The following MECOM variants were observed in gnomAD, a reference collection of about 807,000 sequenced individuals.
MECOM encodes MDS1 and EVI1 complex locus.
A neutral mutation model predicts 116.3 loss-of-function variants in MECOM; 13 were observed. The ratio of observed to expected loss-of-function variants is 0.11; its 90% CI spans 0.07 to 0.18. The LOEUF is 0.18. Among genes scored for constraint, MECOM ranks in the 10% least tolerant of loss-of-function variants. The pLI is 1.00. For synonymous variants in MECOM, 528 were observed against 535.2 expected, an observed-to-expected ratio of 0.99 and a Z score of 0.19; for missense variants, 1,299 against 1,509.0, an observed-to-expected ratio of 0.86 and a Z score of 2.31.
chr3:169,635,916 A>G (rs1185296965), intron 1 of MECOM, among the ~76,000 whole-genome samples: 1 of 152,196 alleles, frequency 6.6e-6, no homozygotes, highest in Non-Finnish European at 1.5e-5. Context: ...ATAATTATGC[A>G]ATTAATTTTT....
chr3:169,429,506 T>G (rs1178514013), intron 1 of MECOM, among the ~76,000 whole-genome samples: 1 of 152,192 alleles, frequency 6.6e-6, no homozygotes, highest in Non-Finnish European at 1.5e-5. Flanking sequence ...CCATAGCACA[T>G]GTTCAACAAA....
rs75014320 is a variant in MECOM, at chr3:169,308,814, C to G, written c.375+72373G>C. Among the ~76,000 whole-genome samples the G allele has an allele frequency of 6.9e-3, 1,051 of 152,228 alleles. 18 individuals are homozygous for G. In the East Asian group the frequency reaches 0.071, roughly 10 times the overall value. Reference sequence around the variant, plus strand: ...TTGCCCTGAGTGAGCTTGTTATGATCAACTGAATTCTCTCCCCATAAAAGA... The same window carrying G: ...TTGCCCTGAGTGAGCTTGTTATGATGAACTGAATTCTCTCCCCATAAAAGA... On this transcript the variant is annotated intron_variant, in intron 2 of 16. Coordinates refer to ENST00000651503, the MANE Select transcript of MECOM (RefSeq NM_004991.4).
intron 2 of MECOM, among the ~76,000 whole-genome samples, chr3:169,345,404 C>G (rs534760627): frequency 1.2e-4 from 19 of 152,216 alleles, no homozygotes; most frequent in African/African-American, 4.3e-4. Flanking sequence ...ATTTTACTGT[C>G]TGAGCCAAAC....
chr3:169,637,528 G>C (rs1489774732), intron 1 of MECOM, among the ~76,000 whole-genome samples: 1 of 152,156 alleles, frequency 6.6e-6, no homozygotes, highest in Non-Finnish European at 1.5e-5. Flanking sequence ...TCAGATATTT[G>C]AGGCCTATGG....
At chr3:169,475,035 ACTC>A (rs1186626182) in intron 1 of MECOM, among the ~76,000 whole-genome samples, 2 of 152,026 alleles carry the variant, frequency 1.3e-5, no homozygotes, top group Non-Finnish European at 2.9e-5. Flanking sequence ...AGCCTGAACA[ACTC>A]CTACTGTATT....
At chr3:169,331,087 A>G (rs766511531) in intron 2 of MECOM, among the ~76,000 whole-genome samples, 49 of 152,090 alleles carry the variant, frequency 3.2e-4, no homozygotes, top group African/African-American at 1.2e-3. Flanking sequence ...CACCCTGTTT[A>G]TTATGTTCTA....
At chr3:169,397,253 C>A (rs16853645) in intron 1 of MECOM, among the ~76,000 whole-genome samples, 6,109 of 152,208 alleles carry the variant, frequency 0.04, 389 homozygotes, top group African/African-American at 0.14. Context: ...AAAAGATGAG[C>A]TAATTCCGCA....
chr3:169,422,190 T>C (rs1739888438), intron 1 of MECOM, among the ~76,000 whole-genome samples: 1 of 152,160 alleles, frequency 6.6e-6, no homozygotes, highest in Admixed American at 6.6e-5. Flanking sequence ...TGAGACTTTA[T>C]TCACATCCCT....
chr3:169,650,143 C>T (rs1205605476), intron 1 of MECOM, among the ~76,000 whole-genome samples: 1 of 152,244 alleles, frequency 6.6e-6, no homozygotes, highest in Non-Finnish European at 1.5e-5. Context: ...TAACACTATA[C>T]TGTCATATTT....
intron 2 of MECOM, among the ~76,000 whole-genome samples, chr3:169,310,211 A>G (rs1422182618): frequency 6.6e-6 from 1 of 152,164 alleles, no homozygotes; most frequent in Non-Finnish European, 1.5e-5. Context: ...TCTTTTTCAC[A>G]TTTCACATAT....
chr3:169,303,757 CT>C (rs1717193098), intron 2 of MECOM, among the ~76,000 whole-genome samples: 2 of 152,238 alleles, frequency 1.3e-5, no homozygotes, highest in Non-Finnish European at 2.9e-5. Context: ...TTATGCACCT[CT>C]CTGCCATTTT....
At chr3:169,261,317 G>A (rs554840034) in intron 2 of MECOM, among the ~76,000 whole-genome samples, 1 of 152,164 alleles carries the variant, frequency 6.6e-6, no homozygotes, top group South Asian at 2.1e-4. Flanking sequence ...GACTAATTGT[G>A]CCTCATACCA....
intron 2 of MECOM, among the ~76,000 whole-genome samples, chr3:169,233,233 C>G (rs1753639399): frequency 1.3e-5 from 2 of 152,098 alleles, no homozygotes; most frequent in Non-Finnish European, 2.9e-5. Flanking sequence ...TGTACCAACA[C>G]CAGAGAATAC....
At chr3:169,474,507 T>TA (rs1011308091) in intron 1 of MECOM, among the ~76,000 whole-genome samples, 10 of 152,194 alleles carry the variant, frequency 6.6e-5, no homozygotes, top group Non-Finnish European at 1.5e-4. Context: ...GCTTAATTTT[T>TA]ATCAATATTA....
chr3:169,495,232 C>T lies in MECOM; in HGVS notation c.38-113708G>A, dbSNP rs74671463. On this transcript the variant is annotated intron_variant, in intron 1 of 16. Transcript: ENST00000651503. ...TTTAACCTTCTGTGAATTATGTGAC[C>T]GGTTTATAGCTTTGATAAGCCTGGG... Among the ~76,000 whole-genome samples, 1,419 of 152,130 alleles carry T rather than the reference C, an allele frequency of 9.3e-3. 24 individuals are homozygous for T. The highest frequency in any genetic ancestry group is 0.057 in the East Asian group (294 of 5,184).
chr3:169,501,981 T>A (rs566867999), intron 1 of MECOM, among the ~76,000 whole-genome samples: 1 of 152,106 alleles, frequency 6.6e-6, no homozygotes, highest in Non-Finnish European at 1.5e-5. Context: ...ATAACAATAA[T>A]GCTACACAGT....
chr3:169,481,774 CTGCAA>C (rs1432129508), intron 1 of MECOM, among the ~76,000 whole-genome samples: 2 of 152,092 alleles, frequency 1.3e-5, no homozygotes, highest in Non-Finnish European at 2.9e-5. Context: ...ATGAACATTA[CTGCAA>C]TGACTGCTCC....
intron 2 of MECOM, chr3:169,145,844 T>C (rs1031111197): frequency 7.0e-5 from 15 of 213,700 alleles, no homozygotes; most frequent in Admixed American, 5.9e-4. Flanking sequence ...TTTAAAAAGG[T>C]TCATTTCCAA....
At chr3:169,182,873 A>C (rs1012287874) in intron 2 of MECOM, among the ~76,000 whole-genome samples, 3 of 150,826 alleles carry the variant, frequency 2.0e-5, no homozygotes, top group Non-Finnish European at 4.4e-5. Context: ...CAGTATTCAG[A>C]TATTAGATAC....
Sources: gnomAD v4.1 joint callset for allele counts (sites outside exome capture counted in the v4.1 genomes callset) on GRCh38, gnomAD v4.1.1 for gene constraint, MANE v1.5 for transcripts, NCBI Gene and HGNC (gene_info 2026-07-23, HGNC 2026-07-21) for gene names.